The following PRICKLE2 variants were observed in gnomAD, a reference collection of about 807,000 sequenced individuals.
PRICKLE2 encodes prickle planar cell polarity protein 2.
A neutral mutation model predicts 81.4 loss-of-function variants in PRICKLE2; 21 were observed. That is an observed-to-expected ratio of 0.26 (90% CI 0.18 to 0.37). The LOEUF (loss-of-function observed/expected upper bound fraction) is 0.37, where lower values mean the gene tolerates loss of function less well. Among genes scored for constraint, PRICKLE2 ranks in the 10% least tolerant of loss-of-function variants. The pLI, the probability that PRICKLE2 is intolerant of heterozygous loss-of-function variation, is 1.00. For synonymous variants in PRICKLE2, 456 were observed against 421.5 expected (o/e 1.08, Z -1.00); for missense variants, 940 against 1,109.0 (o/e 0.85, Z 2.16).
At chr3:64,219,844 T>A (rs754598107) in intron 1 of PRICKLE2, among the ~76,000 whole-genome samples, 6 of 152,230 alleles carry the variant, frequency 3.9e-5, no homozygotes, top group Non-Finnish European at 5.9e-5. Context: ...CTCTTTACTC[T>A]CTGTGTAAGC....
intron 2 of PRICKLE2, among the ~76,000 whole-genome samples, chr3:64,246,663 A>G (rs1233376072): frequency 6.6e-6 from 1 of 152,138 alleles, no homozygotes; most frequent in Non-Finnish European, 1.5e-5. Context: ...TGCATTTCTG[A>G]CGACTTTCCA....
In PRICKLE2 at chr3:64,147,435, A is replaced by G; in HGVS notation, c.1055T>C (p.Leu352Pro). ...CACTTGCAGCTGGCTGTGCTGGTTC[A>G]GCATGGGCTCCTCCGTCTTGCCCTT... ...KNKGKTEEPM[L>P]NQHSQLQVSS... The change falls in exon 7 of 8, where the codon CTG becomes CCG. Residue 352 changes from leucine (L) to proline (P), a missense_variant. Physicochemically the swap from Leu to Pro is moderately conservative, Grantham distance 98. Transcript: ENST00000638394. This position sits in a 1 kb window ranked among gnomAD's most constrained non-coding sequence, Gnocchi z 5.0. 6.2e-7 allele frequency: 1 copy of G among 1,614,264 alleles called. No individual in the cohort carries two copies. Among genetic ancestry groups the G allele is most frequent in the Non-Finnish European group, 8.5e-7 (1 of 1,180,054 alleles).
upstream of PRICKLE2, chr3:64,225,623 A>T (rs2079020755): frequency 5.0e-6 from 1 of 201,384 alleles, no homozygotes; most frequent in Non-Finnish European, 8.8e-6. Flanking sequence ...AGGGGAAGGA[A>T]GCCTTTGCTG....
chr3:64,223,085 T>C (rs1373327355), intron 1 of PRICKLE2, among the ~76,000 whole-genome samples: 2 of 152,228 alleles, frequency 1.3e-5, no homozygotes. Flanking sequence ...GTACCAGAGA[T>C]GGCATCTTTT....
At chr3:64,247,299 A>G (rs1322853483) in intron 2 of PRICKLE2, among the ~76,000 whole-genome samples, 1 of 152,224 alleles carries the variant, frequency 6.6e-6, no homozygotes, top group Non-Finnish European at 1.5e-5. Context: ...ATGCATTTTA[A>G]TGTGCAGAAA....
intron 7 of PRICKLE2, chr3:64,101,922 A>C (rs1463953082): frequency 6.6e-6 from 1 of 152,226 alleles, no homozygotes; most frequent in Non-Finnish European, 1.5e-5. Context: ...CAACACCTTG[A>C]CCTTAAGTTC....
At chr3:64,162,776 A>C (rs975453294) in intron 3 of PRICKLE2, among the ~76,000 whole-genome samples, 1 of 152,212 alleles carries the variant, frequency 6.6e-6, no homozygotes, top group Non-Finnish European at 1.5e-5. Flanking sequence ...ACCCCCAAAT[A>C]GCTAGTAGTG....
intron 2 of PRICKLE2, among the ~76,000 whole-genome samples, chr3:64,183,863 TTC>T (rs1437471867): frequency 6.6e-6 from 1 of 152,198 alleles, no homozygotes; most frequent in African/African-American, 2.4e-5. Flanking sequence ...ATGCTCTCTT[TTC>T]TGTGTATCTT....
intron 1 of PRICKLE2, among the ~76,000 whole-genome samples, chr3:64,208,359 T>A (rs902352528): frequency 2.6e-5 from 4 of 152,216 alleles, no homozygotes; most frequent in Admixed American, 2.6e-4. Flanking sequence ...AAGAACTGTA[T>A]GGATCATGTG....
rs1033603329 is a variant in PRICKLE2 at position 64,153,431 on chromosome 3, G to C, written c.601-63C>G. 5 of 1,520,012 alleles carry C rather than the reference G, an allele frequency of 3.3e-6. No homozygotes were observed. The Admixed American group carries it at 8.4e-5, about 25-fold the overall frequency. The allele number at this position is 1,520,012 out of a possible 1,614,324, so 94.2% of individuals were successfully genotyped here. A position where few individuals can be genotyped will look rare whatever the true frequency, so the allele number is the denominator to read the frequency against. On this transcript the variant is annotated intron_variant, in intron 5 of 7. Transcript: ENST00000638394. ...CCATCCAGAACATATTTTAAAGGAAGAAAGCTATGGGGTCCTTGAACTAGA... is the reference window on the plus strand; with the variant it reads ...CCATCCAGAACATATTTTAAAGGAACAAAGCTATGGGGTCCTTGAACTAGA...
chr3:64,203,851 A>G (rs910285172), intron 1 of PRICKLE2, among the ~76,000 whole-genome samples: 2 of 150,782 alleles, frequency 1.3e-5, no homozygotes, highest in African/African-American at 4.9e-5. Context: ...GGTGGTGGGC[A>G]CTTGTAGTCC....
intron 7 of PRICKLE2, among the ~76,000 whole-genome samples, chr3:64,115,870 C>A (rs1337746619): frequency 1.3e-5 from 2 of 152,148 alleles, no homozygotes; most frequent in Non-Finnish European, 2.9e-5. Context: ...ATAGAACTCT[C>A]CACCCAAAAA....
rs2078000017 is a variant in PRICKLE2 at position 64,175,075 on chromosome 3, C to A, written c.145-11946G>T. 3 of 157,574 alleles carry A rather than the reference C, an allele frequency of 1.9e-5. No individual in the cohort carries two copies. In the South Asian group the frequency reaches 5.7e-4, roughly 30 times the overall value. The allele number at this position is 157,574 out of a possible 1,614,324, so 9.8% of individuals were successfully genotyped here. On this transcript the variant is annotated intron_variant, in intron 2 of 7. Transcript: ENST00000638394. ...CCCATGGAGAAGTCTGCCCAGCAAA[C>A]TGGACACTAGAGTCTCCTACAATCA...
chr3:64,188,070 C>T (rs1048986248), intron 2 of PRICKLE2, among the ~76,000 whole-genome samples: 1 of 152,186 alleles, frequency 6.6e-6, no homozygotes, highest in Non-Finnish European at 1.5e-5. Flanking sequence ...GATTGGGTAG[C>T]TTCTGGGGCA....
intron 1 of PRICKLE2, among the ~76,000 whole-genome samples, chr3:64,224,146 C>A (rs571045157): frequency 6.6e-6 from 1 of 152,312 alleles, no homozygotes; most frequent in East Asian, 1.9e-4. Flanking sequence ...GGATCGCTAA[C>A]CTCAGTGTGA....
intron 7 of PRICKLE2, among the ~76,000 whole-genome samples, chr3:64,118,261 A>G (rs1012105192): frequency 6.6e-6 from 1 of 152,224 alleles, no homozygotes; most frequent in Non-Finnish European, 1.5e-5. Flanking sequence ...AACCTAGGCA[A>G]TATCATTCAG....
At chr3:64,126,871 C>T (rs763480852) in intron 7 of PRICKLE2, among the ~76,000 whole-genome samples, 1 of 151,898 alleles carries the variant, frequency 6.6e-6, no homozygotes, top group African/African-American at 2.4e-5. Flanking sequence ...CCACTGTGCC[C>T]GGCCTTGTGG....
At chr3:64,223,202 GACAACA>G (rs770347983) in intron 1 of PRICKLE2, among the ~76,000 whole-genome samples, 4 of 152,020 alleles carry the variant, frequency 2.6e-5, no homozygotes, top group African/African-American at 4.8e-5. Flanking sequence ...TGGTAACAAT[GACAACA>G]ACAACAACAA....
chr3:64,261,332 A>T (rs1015415568), intron 2 of PRICKLE2, among the ~76,000 whole-genome samples: 4 of 152,182 alleles, frequency 2.6e-5, no homozygotes, highest in Non-Finnish European at 4.4e-5. Context: ...TGGCCCAGGT[A>T]TCAGTTAATC....
Sources: gnomAD v4.1 joint callset for allele counts (sites outside exome capture counted in the v4.1 genomes callset) on GRCh38, gnomAD v4.1.1 for gene constraint, Gnocchi (gnomAD v3.1) non-coding constraint, MANE v1.5 for transcripts, NCBI Gene and HGNC (gene_info 2026-07-23, HGNC 2026-07-21) for gene names.